The following RFX3 variants were observed in gnomAD, a reference collection of about 807,000 sequenced individuals.
RFX3 encodes the protein regulatory factor X3.
In RFX3, 14 loss-of-function variants were observed where a neutral mutation model predicts 98.6. That is an observed-to-expected ratio of 0.14 (90% CI 0.09 to 0.22). The LOEUF (loss-of-function observed/expected upper bound fraction) is 0.22. Among genes scored for constraint, RFX3 ranks in the 10% least tolerant of loss-of-function variants. The probability of loss-of-function intolerance (pLI) is 1.00; values close to 1 mark genes in which losing one functional copy is unlikely to be tolerated. For synonymous variants in RFX3, 383 were observed against 328.4 expected (o/e 1.17, Z -1.80); for missense variants, 639 against 926.9 (o/e 0.69, Z 4.03).
chr9:3,351,957 T>C (rs976456467), intron 2 of RFX3, among the ~76,000 whole-genome samples: 4 of 151,682 alleles, frequency 2.6e-5, no homozygotes, highest in African/African-American at 4.8e-5. Flanking sequence ...ATCTGAAGAG[T>C]TGCTGTACAA....
At position 3,221,739 on chromosome 9, in the gene RFX3, C is replaced by CT. The variant is rs533859426; in HGVS notation, c.*3302dup. 227 of 152,226 alleles carry CT rather than the reference C, an allele frequency of 1.5e-3. No homozygotes were observed. Among genetic ancestry groups the CT allele is most frequent in the African/African-American group, 5.3e-3 (221 of 41,560 alleles). 9.4% of individuals were successfully genotyped at this position (152,226 alleles called of 1,614,324 possible). ...GTTCACTGGTTTCATGAATGCAAATCTTTTGAGTATGATTTTCAAACTATA... is the reference window on the plus strand; with the variant it reads ...GTTCACTGGTTTCATGAATGCAAATCTTTTTGAGTATGATTTTCAAACTATA... On this transcript the variant is annotated 3_prime_UTR_variant, in exon 17 of 17. Transcript: ENST00000617270.
intron 1 of RFX3, among the ~76,000 whole-genome samples, chr9:3,478,697 G>A (rs1849482079): frequency 6.6e-6 from 1 of 152,126 alleles, no homozygotes; most frequent in Admixed American, 6.6e-5. Context: ...TTCCGGGCAT[G>A]TGTACAGACT....
chr9:3,256,329 G>C (rs2131102698), intron 14 of RFX3, among the ~76,000 whole-genome samples: 1 of 105,716 alleles, frequency 9.5e-6, no homozygotes, highest in East Asian at 2.8e-4. Context: ...GAGGCACCTA[G>C]GATTTGTTTC....
At chr9:3,307,085 C>T (rs1471025051) in intron 4 of RFX3, among the ~76,000 whole-genome samples, 2 of 152,064 alleles carry the variant, frequency 1.3e-5, no homozygotes, top group East Asian at 3.9e-4. Flanking sequence ...TTTTTGCCTG[C>T]CACCATCCAC....
intron 7 of RFX3, among the ~76,000 whole-genome samples, chr9:3,277,762 T>C (rs1010124433): frequency 4.6e-5 from 7 of 152,024 alleles, no homozygotes; most frequent in Non-Finnish European, 8.8e-5. Context: ...ATGTCCATGA[T>C]TAAGTTTTAA....
intron 2 of RFX3, among the ~76,000 whole-genome samples, chr9:3,378,817 AAGTGCTGGGATTAC>A (rs1181659726): frequency 6.6e-6 from 1 of 151,806 alleles, no homozygotes; most frequent in East Asian, 1.9e-4. Context: ...CAGCCTCCCA[AAGTGCTGGGATTAC>A]AGGCGTGAAC....
At position 3,263,072 on chromosome 9, in the gene RFX3, T is replaced by A. The variant is rs1823127057; in HGVS notation, c.1468A>T (p.Ser490Cys). 6.2e-7 allele frequency: 1 copy of A among 1,613,682 alleles called. No homozygotes were observed. The highest frequency in any genetic ancestry group is 2.2e-5 in the East Asian group (1 of 44,854). Reference protein sequence around the residue: ...RMIQTKVAAVSAFAQTLRRYT... With the variant: ...RMIQTKVAAVCAFAQTLRRYT... ...CTTCGCAGAGTCTGGGCAAAGGCAC[T>A]TACAGCGGCAACCTGTAACGCAATC... Residue 490 changes from serine to cysteine, a missense_variant, in exon 13 of 17, where the codon AGT (serine) becomes TGT (cysteine). Transcript: ENST00000617270.
intron 2 of RFX3, among the ~76,000 whole-genome samples, chr9:3,357,397 T>C (rs1224622602): frequency 6.6e-6 from 1 of 152,054 alleles, no homozygotes; most frequent in Admixed American, 6.6e-5. Context: ...TTAGAGTCTC[T>C]ACTTTTCTAA....
chr9:3,324,464 T>C (rs1265791645), intron 4 of RFX3, among the ~76,000 whole-genome samples: 4 of 151,940 alleles, frequency 2.6e-5, no homozygotes, highest in Non-Finnish European at 5.9e-5. Flanking sequence ...CAGCTCCTTC[T>C]AATATAATCA....
At position 3,288,267 on chromosome 9, in the gene RFX3, G is replaced by A. The variant is rs569279403; in HGVS notation, c.732-17C>T. On this transcript the variant is annotated splice_polypyrimidine_tract_variant and intron_variant, in intron 6 of 16. Coordinates refer to ENST00000617270, the MANE Select transcript of RFX3 (RefSeq NM_001282116.2). The stretch of plus-strand genomic sequence containing the variant: ...GAGTTTCCTCTTCATTAATGAACAA[G>A]AAACATTAGAAACAAAAGTCAGTCA... The A allele has an allele frequency of 1.2e-6, 2 of 1,608,332 alleles. No individual in the cohort carries two copies. Among genetic ancestry groups the A allele is most frequent in the African/African-American group, 1.3e-5 (1 of 74,752 alleles).
At chr9:3,409,203 T>C (rs1350415885) in intron 1 of RFX3, among the ~76,000 whole-genome samples, 1 of 152,220 alleles carries the variant, frequency 6.6e-6, no homozygotes, top group Non-Finnish European at 1.5e-5. Context: ...TATAAATGTT[T>C]TGAATGCCAA....
chr9:3,429,265 G>A lies in RFX3; in HGVS notation c.-8-33669C>T, dbSNP rs916262589. 6.0e-5 allele frequency among the ~76,000 whole-genome samples: 9 copies of A among 150,938 alleles called. No individual in the cohort carries two copies. In the East Asian group the frequency reaches 7.7e-4, roughly 13 times the overall value. ...TCTCGATCTCCTGACCTCGTGATCC[G>A]CCCGTCTCGGCCTCCCAAAGTGCTG... On this transcript the variant is annotated intron_variant, in intron 1 of 16. Transcript: ENST00000617270.
At chr9:3,519,471 T>C (rs949468794) in intron 1 of RFX3, among the ~76,000 whole-genome samples, 5 of 152,196 alleles carry the variant, frequency 3.3e-5, no homozygotes, top group Non-Finnish European at 4.4e-5. Context: ...GAATAGGTAT[T>C]TTCTCAGCCT....
intron 11 of RFX3, among the ~76,000 whole-genome samples, chr9:3,269,256 C>G (rs76347341): frequency 6.6e-6 from 1 of 151,288 alleles, no homozygotes; most frequent in African/African-American, 2.4e-5. Context: ...TCAAGGTGGC[C>G]GGGAACATAT....
At chr9:3,494,112 C>G (rs1482981708) in intron 1 of RFX3, among the ~76,000 whole-genome samples, 1 of 152,096 alleles carries the variant, frequency 6.6e-6, no homozygotes, top group African/African-American at 2.4e-5. Flanking sequence ...CTTTTAACTT[C>G]AAATCACTTT....
At chr9:3,320,734 G>T (rs1831178623) in intron 4 of RFX3, among the ~76,000 whole-genome samples, 2 of 116,894 alleles carry the variant, frequency 1.7e-5, no homozygotes, top group African/African-American at 4.9e-5. Flanking sequence ...ACACACATAT[G>T]TGCCTATATA....
intron 1 of RFX3, among the ~76,000 whole-genome samples, chr9:3,418,524 C>A (rs1307260503): frequency 6.6e-6 from 1 of 151,960 alleles, no homozygotes; most frequent in Non-Finnish European, 1.5e-5. Context: ...GGATTACAGG[C>A]ACCCACCACC....
intron 4 of RFX3, among the ~76,000 whole-genome samples, chr9:3,309,373 G>A (rs546543782): frequency 7.9e-5 from 12 of 152,272 alleles, no homozygotes; most frequent in South Asian, 2.1e-4. Context: ...GACAGAGACA[G>A]TGCAATAAAT....
chr9:3,355,714 G>A (rs949997538), intron 2 of RFX3, among the ~76,000 whole-genome samples: 8 of 151,822 alleles, frequency 5.3e-5, no homozygotes, highest in African/African-American at 1.9e-4. Flanking sequence ...CATAATCTAT[G>A]TAACAACAGC....
Sources: allele counts gnomAD v4.1 joint callset (sites outside exome capture counted in the v4.1 genomes callset), GRCh38; gene constraint gnomAD v4.1.1; transcripts MANE v1.5; gene names NCBI Gene and HGNC (gene_info 2026-07-23, HGNC 2026-07-21).